AQR: variants seen among roughly 807,000 people sequenced by gnomAD.
The protein encoded by AQR is RNA helicase aquarius.
In AQR, 61 loss-of-function variants were observed where a neutral mutation model predicts 180.5. The observed-to-expected ratio is 0.34, with a 90% CI of 0.28 to 0.42. The LOEUF (loss-of-function observed/expected upper bound fraction) is 0.42, where lower values mean the gene tolerates loss of function less well. AQR is among the 10% of genes least tolerant of loss of function. AQR has a pLI of 1.00. For synonymous variants in AQR, 551 were observed against 588.8 expected (o/e 0.94, Z 0.93); for missense variants, 1,281 against 1,798.3 (o/e 0.71, Z 5.20).
intron 8 of AQR, 77 bp from the exon 9 acceptor site, chr15:34,938,890 G>A (rs1261345833): frequency 3.3e-5 from 34 of 1,044,268 alleles, no homozygotes; most frequent in Non-Finnish European, 3.7e-5. Context: ...TGTTGACCAC[G>A]GCTTTCCAAT....
intron 30 of AQR, among the ~76,000 whole-genome samples, chr15:34,871,459 A>T (rs1435252145): frequency 6.6e-6 from 1 of 150,828 alleles, no homozygotes; most frequent in African/African-American, 2.4e-5. Flanking sequence ...GCGAGCTTCA[A>T]TCGTGCCTCT....
intron 27 of AQR, among the ~76,000 whole-genome samples, chr15:34,880,403 A>G (rs1404195106): frequency 3.3e-5 from 5 of 152,220 alleles, no homozygotes; most frequent in Non-Finnish European, 2.9e-5. Flanking sequence ...GTGAACTGAA[A>G]TAGGTCAGGA....
chr15:34,955,086 G>A (rs1894288730), intron 3 of AQR, among the ~76,000 whole-genome samples: 1 of 152,150 alleles, frequency 6.6e-6, no homozygotes, highest in South Asian at 2.1e-4. Context: ...TTGCGCCACT[G>A]CACTCCAGCC....
At chr15:34,959,521 C>T (rs1203595971) in intron 3 of AQR, among the ~76,000 whole-genome samples, 1 of 152,102 alleles carries the variant, frequency 6.6e-6, no homozygotes, top group Non-Finnish European at 1.5e-5. Context: ...TATTCCATAT[C>T]TCCATCTTCA....
intron 14 of AQR, among the ~76,000 whole-genome samples, chr15:34,918,652 T>G (rs1414089200): frequency 6.6e-6 from 1 of 152,232 alleles, no homozygotes; most frequent in Non-Finnish European, 1.5e-5. Flanking sequence ...AACCTTAGTT[T>G]CCTTTTCACT....
intron 3 of AQR, among the ~76,000 whole-genome samples, chr15:34,954,951 C>T (rs1041540487): frequency 2.4e-4 from 36 of 152,060 alleles, no homozygotes; most frequent in East Asian, 5.8e-4. Flanking sequence ...GGTGGAATCC[C>T]GTCTCTACTA....
chr15:34,860,060 A>G lies in AQR; in HGVS notation c.4125T>C (p.Thr1375=). ...AACTCACCTGATGATAATGATGTGT[A>G]GTCTGTATCAAATGCATGTACATGT... is the stretch of plus-strand genomic sequence containing the variant. The part of the protein sequence containing the change: ...VYNMYMHLIQ[T]THHYHQTLLQ... Residue 1375 remains threonine (T), a synonymous_variant, in exon 34 of 35, where the codon ACT becomes ACC. Transcript: ENST00000156471. The G allele has an allele frequency of 2.1e-6, 3 of 1,454,302 alleles. No homozygotes were observed. In the Admixed American group the frequency reaches 6.1e-5, roughly 30 times the overall value. The allele number at this position is 1,454,302 out of a possible 1,614,324, so 90.1% of individuals were successfully genotyped here. A position where few individuals can be genotyped will look rare whatever the true frequency, so the allele number is the denominator to read the frequency against.
rs560302159 is a variant in AQR, at chr15:34,923,045, T to G, written c.1119-2611A>C. 1.6e-3 allele frequency among the ~76,000 whole-genome samples: 237 copies of G among 152,308 alleles called. 2 individuals carry two copies. The highest frequency in any genetic ancestry group is 3.2e-3 in the Admixed American group (49 of 15,290). ...TTCCCTAATATCAGTTACTCATGGTTGACCAGAGTCTGGAAATAGTTAAGT... is the reference window on the plus strand; with the variant it reads ...TTCCCTAATATCAGTTACTCATGGTGGACCAGAGTCTGGAAATAGTTAAGT... On this transcript the variant is annotated intron_variant, in intron 13 of 34. Transcript: ENST00000156471.
chr15:34,912,828 T>C (rs1245744774), intron 16 of AQR, among the ~76,000 whole-genome samples: 1 of 152,168 alleles, frequency 6.6e-6, no homozygotes, highest in Non-Finnish European at 1.5e-5. Flanking sequence ...ACAACATACC[T>C]ACAAAGATAA....
chr15:34,891,418 G>C lies in AQR; in HGVS notation c.2572-1094C>G, dbSNP rs374715703. ...TTACAGTGATTTTGAAGAACTACTT[G>C]AATTATACATGCAAATGAAGATCTG... is the stretch of plus-strand genomic sequence containing the variant. On this transcript the variant is annotated intron_variant, in intron 23 of 34. Coordinates refer to ENST00000156471, the MANE Select transcript of AQR (RefSeq NM_014691.3). 2.8e-4 allele frequency among the ~76,000 whole-genome samples: 42 copies of C among 152,212 alleles called. No homozygotes were observed. In the East Asian group the frequency reaches 6.4e-3, roughly 23 times the overall value.
rs1892991604 is a variant in AQR at position 34,882,634 on chromosome 15, G to A, written c.3033C>T (p.Phe1011=). 6.3e-7 allele frequency: 1 copy of A among 1,597,190 alleles called. No homozygotes were observed. The highest frequency in any genetic ancestry group is 2.2e-5 in the East Asian group (1 of 44,590). ...IKKIFTQLEE[F]RASELLRSGL... is the part of the protein sequence containing the mutation. ...CACTTCGAAGCAATTCAGAGGCTCT[G>A]AATTCCTATGGAAACGAGGAGCAAT... The change falls in exon 27 of 35, where the codon TTC becomes TTT. Residue 1011 remains phenylalanine, a synonymous_variant. Transcript: ENST00000156471.
chr15:34,886,498 T>C, intron 25 of AQR, 28 bp downstream of exon 25: 1 of 1,581,170 alleles, frequency 6.3e-7, no homozygotes, highest in Non-Finnish European at 8.5e-7. Context: ...TATGATGAAG[T>C]ATGATTCAAA....
At chr15:34,859,847 T>C (rs1018526061) in intron 34 of AQR, among the ~76,000 whole-genome samples, 195 bp downstream of exon 34, 2 of 152,210 alleles carry the variant, frequency 1.3e-5, no homozygotes, top group Non-Finnish European at 2.9e-5. Flanking sequence ...ACACTTTAAG[T>C]TTGTGGACTT....
intron 17 of AQR, among the ~76,000 whole-genome samples, chr15:34,909,221 G>A (rs1475800203): frequency 6.6e-6 from 1 of 152,156 alleles, no homozygotes; most frequent in Admixed American, 6.5e-5. Context: ...ATGCCAAGAA[G>A]GTAAAAGGAG....
intron 13 of AQR, among the ~76,000 whole-genome samples, chr15:34,922,742 A>G (rs192448249): frequency 2.6e-5 from 4 of 152,036 alleles, no homozygotes; most frequent in Admixed American, 2.6e-4. Flanking sequence ...TTTAGTAGAC[A>G]AGTCATCCTT....
chr15:34,956,696 G>GA (rs565202160), intron 3 of AQR, among the ~76,000 whole-genome samples: 1,900 of 83,352 alleles, frequency 0.023, 66 homozygotes, highest in African/African-American at 0.075. Context: ...TAAGAAGTCA[G>GA]AAAAAAAAAA....
chr15:34,947,028 G>A (rs1232024118), intron 5 of AQR, among the ~76,000 whole-genome samples: 1 of 152,262 alleles, frequency 6.6e-6, no homozygotes, highest in East Asian at 1.9e-4. Context: ...AGCTCATTGA[G>A]AACGGGCCAT....
At chr15:34,927,789 C>A (rs915315923) in intron 12 of AQR, among the ~76,000 whole-genome samples, 1 of 152,178 alleles carries the variant, frequency 6.6e-6, no homozygotes, top group African/African-American at 2.4e-5. Flanking sequence ...TGGTGGATGA[C>A]ACAGAAGGTT....
chr15:34,918,067 A>G (rs1413473161), intron 15 of AQR, among the ~76,000 whole-genome samples, 191 bp downstream of exon 15: 1 of 152,222 alleles, frequency 6.6e-6, no homozygotes, highest in Non-Finnish European at 1.5e-5. Context: ...AGTTAAATTT[A>G]ATAAAAACCC....
Sources: allele counts gnomAD v4.1 joint callset (sites outside exome capture counted in the v4.1 genomes callset), GRCh38; gene constraint gnomAD v4.1.1; transcripts MANE v1.5; gene names NCBI Gene and HGNC (gene_info 2026-07-23, HGNC 2026-07-21).